The following FAM135B variants were observed in gnomAD, a reference collection of about 807,000 sequenced individuals.
FAM135B encodes family with sequence similarity 135 member B, also known as protein FAM135B.
In FAM135B, 43 loss-of-function variants were observed where a neutral mutation model predicts 127.7. That is an observed-to-expected ratio of 0.34 (90% CI 0.26 to 0.43). The LOEUF (loss-of-function observed/expected upper bound fraction) is 0.43, where lower values mean the gene tolerates loss of function less well. FAM135B is among the 20% of genes least tolerant of loss of function. The probability of loss-of-function intolerance (pLI) is 1.00; values close to 1 mark genes in which losing one functional copy is unlikely to be tolerated. For synonymous variants in FAM135B, 670 were observed against 665.1 expected (o/e 1.01, Z -0.11); for missense variants, 1,558 against 1,725.6 (o/e 0.90, Z 1.72).
chr8:138,345,145 T>A (rs1193992262), intron 2 of FAM135B, among the ~76,000 whole-genome samples: 1 of 152,164 alleles, frequency 6.6e-6, no homozygotes, highest in Non-Finnish European at 1.5e-5. Flanking sequence ...AGGTAACTTT[T>A]CAACAAGCTT....
chr8:138,446,322 A>G (rs1310334741), intron 1 of FAM135B, among the ~76,000 whole-genome samples: 1 of 152,118 alleles, frequency 6.6e-6, no homozygotes, highest in African/African-American at 2.4e-5. Context: ...TTCATATGGA[A>G]CCAAAAAAGA....
At chr8:138,343,601 C>T (rs1275210560) in intron 2 of FAM135B, among the ~76,000 whole-genome samples, 1 of 152,192 alleles carries the variant, frequency 6.6e-6, no homozygotes, top group African/African-American at 2.4e-5. Flanking sequence ...CTTTCACCGC[C>T]AGTGCCCAAG....
At chr8:138,262,050 C>G (rs982303830) in intron 4 of FAM135B, among the ~76,000 whole-genome samples, 1 of 152,120 alleles carries the variant, frequency 6.6e-6, no homozygotes, top group East Asian at 1.9e-4. Flanking sequence ...ATATGGATTA[C>G]CCCCAACACA....
At chr8:138,427,760 G>A (rs541914128) in intron 1 of FAM135B, among the ~76,000 whole-genome samples, 164 of 152,216 alleles carry the variant, frequency 1.1e-3, no homozygotes, top group Non-Finnish European at 2.0e-3. Context: ...GTATATTGCT[G>A]TTGAAATCGA....
chr8:138,396,282 G>A (rs147610259), intron 1 of FAM135B, among the ~76,000 whole-genome samples: 125 of 152,286 alleles, frequency 8.2e-4, no homozygotes, highest in African/African-American at 1.1e-3. Context: ...AGTGGCCAGC[G>A]TGTGGCAGGC....
At chr8:138,201,897 G>A (rs184020905) in intron 7 of FAM135B, among the ~76,000 whole-genome samples, 12 of 151,918 alleles carry the variant, frequency 7.9e-5, no homozygotes, top group East Asian at 1.9e-4. Context: ...AGGCCGAGGC[G>A]GGCAGATCAC....
At chr8:138,182,948 C>T (rs772437643) in intron 9 of FAM135B, among the ~76,000 whole-genome samples, 36 of 152,292 alleles carry the variant, frequency 2.4e-4, no homozygotes, top group Admixed American at 2.1e-3. Context: ...CAAACCCCTG[C>T]TTGGTCACAA....
intron 1 of FAM135B, among the ~76,000 whole-genome samples, chr8:138,381,320 T>C (rs1424161448): frequency 6.6e-6 from 1 of 152,166 alleles, no homozygotes; most frequent in Admixed American, 6.5e-5. Flanking sequence ...TTATCTCCAC[T>C]GGAGGGCCCA....
intron 9 of FAM135B, among the ~76,000 whole-genome samples, chr8:138,191,501 G>C (rs1206492562): frequency 6.6e-6 from 1 of 152,078 alleles, no homozygotes; most frequent in African/African-American, 2.4e-5. Context: ...GGAGCTTCTA[G>C]GTGCCAGGAG....
intron 1 of FAM135B, among the ~76,000 whole-genome samples, chr8:138,443,971 T>G (rs1167574930): frequency 6.6e-6 from 1 of 151,570 alleles, no homozygotes; most frequent in African/African-American, 2.4e-5. Flanking sequence ...ACCAAGCAAA[T>G]GGAAAACAAA....
At chr8:138,147,377 C>G (rs149820852) in intron 14 of FAM135B, among the ~76,000 whole-genome samples, 1 of 151,930 alleles carries the variant, frequency 6.6e-6, no homozygotes, top group Non-Finnish European at 1.5e-5. Context: ...GGAAAGAGAA[C>G]TTTCTGCAAC....
chr8:138,324,182 G>A (rs1036881934), intron 2 of FAM135B, among the ~76,000 whole-genome samples: 2 of 152,140 alleles, frequency 1.3e-5, no homozygotes, highest in South Asian at 2.1e-4. Flanking sequence ...TCCACATTAC[G>A]AGAGATCACA....
chr8:138,426,281 T>A (rs1351041181), intron 1 of FAM135B, among the ~76,000 whole-genome samples: 1 of 151,006 alleles, frequency 6.6e-6, no homozygotes, highest in Non-Finnish European at 1.5e-5. Context: ...TGGCACTTCA[T>A]ATTGACCAGA....
intron 2 of FAM135B, among the ~76,000 whole-genome samples, chr8:138,363,366 G>A (rs1228550822): frequency 1.3e-5 from 2 of 152,110 alleles, no homozygotes; most frequent in Admixed American, 6.6e-5. Context: ...CATTTTACAG[G>A]CCATACAATG....
chr8:138,199,178 G>A (rs2131153456), intron 7 of FAM135B, among the ~76,000 whole-genome samples: 1 of 152,302 alleles, frequency 6.6e-6, no homozygotes, highest in African/African-American at 2.4e-5. Context: ...TACATCATCT[G>A]CACTCCCAAG....
intron 1 of FAM135B, among the ~76,000 whole-genome samples, chr8:138,456,977 G>A (rs188207432): frequency 1.4e-5 from 2 of 140,660 alleles, no homozygotes; most frequent in African/African-American, 2.7e-5. Flanking sequence ...GCTTTGGGGA[G>A]AACAAAACTG....
At chr8:138,289,991 G>T (rs1824983545) in intron 3 of FAM135B, among the ~76,000 whole-genome samples, 1 of 152,194 alleles carries the variant, frequency 6.6e-6, no homozygotes, top group African/African-American at 2.4e-5. Context: ...GTCAAATCAT[G>T]CCAGGCCAAA....
chr8:138,233,042 G>T (rs1265434556), intron 7 of FAM135B, among the ~76,000 whole-genome samples: 1 of 152,114 alleles, frequency 6.6e-6, no homozygotes, highest in Non-Finnish European at 1.5e-5. Context: ...TGTAGTATTT[G>T]TTGTTCTGTG....
intron 1 of FAM135B, among the ~76,000 whole-genome samples, chr8:138,464,823 C>T (rs190934493): frequency 2.6e-5 from 4 of 152,182 alleles, no homozygotes; most frequent in Non-Finnish European, 5.9e-5. Context: ...TGCACTGCCC[C>T]CTACGCTGGC....
Sources: allele counts gnomAD v4.1 joint callset (sites outside exome capture counted in the v4.1 genomes callset), GRCh38; gene constraint gnomAD v4.1.1; transcripts MANE v1.5; gene names NCBI Gene and HGNC (gene_info 2026-07-23, HGNC 2026-07-21).